Variants in SLC6A18 observed in about 807,000 individuals in gnomAD.
SLC6A18 encodes the protein solute carrier family 6 member 18.
A neutral mutation model predicts 62.9 loss-of-function variants in SLC6A18; 58 were observed. The observed-to-expected ratio is 0.92, with a 90% CI of 0.75 to 1.15. SLC6A18 has a LOEUF of 1.15. Among genes scored for constraint, SLC6A18 ranks in the 50% most tolerant of loss-of-function variants. The pLI, the probability that SLC6A18 is intolerant of heterozygous loss-of-function variation, is 0.00. For synonymous variants in SLC6A18, 382 were observed against 365.8 expected (o/e 1.04, Z -0.51); for missense variants, 793 against 836.6 (o/e 0.95, Z 0.64).
At chr5:1,238,337 C>CCTGGAGGAGGACTTCGGT (rs1746949479) in intron 5 of SLC6A18, among the ~76,000 whole-genome samples, 1 of 118,410 alleles carries the variant, frequency 8.4e-6, no homozygotes. Context: ...TTGGAGTGAG[C>CCTGGAGGAGGACTTCGGT]CTGGGGCCTC....
At chr5:1,228,798 G>C (rs1746647574) in intron 1 of SLC6A18, among the ~76,000 whole-genome samples, 2 of 152,356 alleles carry the variant, frequency 1.3e-5, no homozygotes, top group Non-Finnish European at 2.9e-5. Flanking sequence ...CGTGAGCCTG[G>C]GAGGTCGAGG....
chr5:1,226,137 G>A (rs936022366), intron 1 of SLC6A18, among the ~76,000 whole-genome samples: 4 of 152,206 alleles, frequency 2.6e-5, no homozygotes, highest in Admixed American at 1.3e-4. Flanking sequence ...TGGTTCTCTG[G>A]GAGAGCCCTG....
At chr5:1,231,258 G>A (rs1485834308) in intron 1 of SLC6A18, among the ~76,000 whole-genome samples, 1 of 152,216 alleles carries the variant, frequency 6.6e-6, no homozygotes, top group Non-Finnish European at 1.5e-5. Context: ...TCTACTGGGT[G>A]CTTCCACTAG....
At chr5:1,227,190 G>A (rs1469903799) in intron 1 of SLC6A18, among the ~76,000 whole-genome samples, 1 of 151,934 alleles carries the variant, frequency 6.6e-6, no homozygotes, top group African/African-American at 2.4e-5. Context: ...CTTGCCCACC[G>A]AAACCCAGTT....
rs1446822210 is a variant in SLC6A18 at position 1,232,419 on chromosome 5, G to A, written c.301+60G>A. ...TGCCAGGGACAGGGCCCTCCTGGAT[G>A]AGAGGTGGGGCGGGGGCGGGTCCAT... is the stretch of plus-strand genomic sequence containing the variant. On this transcript the variant is annotated intron_variant, in intron 2 of 11. Coordinates refer to ENST00000324642, the MANE Select transcript of SLC6A18 (RefSeq NM_182632.3). The A allele has an allele frequency of 3.8e-6, 6 of 1,565,404 alleles. No homozygotes were observed. The African/African-American group carries it at 6.7e-5, about 18-fold the overall frequency.
rs1431419846 is a variant in SLC6A18, at chr5:1,235,472, TG to T, written c.440-7del. On this transcript the variant is annotated splice_region_variant and splice_polypyrimidine_tract_variant and intron_variant, in intron 3 of 11. Coordinates refer to ENST00000324642, the MANE Select transcript of SLC6A18 (RefSeq NM_182632.3). Reference sequence around the variant, plus strand: ...CACAGCCAGCCTGTGACAGGCCCCCTGGTTTCAGGGTTTGTGGAGGAGTGCC... The same window carrying T: ...CACAGCCAGCCTGTGACAGGCCCCCTGTTTCAGGGTTTGTGGAGGAGTGCC... 2.5e-6 allele frequency: 4 copies of T among 1,611,590 alleles called. No homozygotes were observed. The highest frequency in any genetic ancestry group is 3.4e-6 in the Non-Finnish European group (4 of 1,178,232).
At position 1,232,370 on chromosome 5, in the gene SLC6A18, G is replaced by A. The variant is rs778281453; in HGVS notation, c.301+11G>A. ...ACCTCAGTGGAGTAGGTAGGCCACCGTCCTCGCTTGCCCTGACTGAGGCTG... is the reference window on the plus strand; with the variant it reads ...ACCTCAGTGGAGTAGGTAGGCCACCATCCTCGCTTGCCCTGACTGAGGCTG... On this transcript the variant is annotated intron_variant, in intron 2 of 11. Coordinates refer to ENST00000324642, the MANE Select transcript of SLC6A18 (RefSeq NM_182632.3). 1.3e-5 allele frequency: 21 copies of A among 1,603,150 alleles called. No homozygotes were observed. The highest frequency in any genetic ancestry group is 9.0e-5 in the South Asian group (8 of 89,376).
chr5:1,239,155 G>A (rs1044487478), intron 5 of SLC6A18, among the ~76,000 whole-genome samples: 3 of 152,258 alleles, frequency 2.0e-5, no homozygotes, highest in Non-Finnish European at 2.9e-5. Flanking sequence ...CCATGCAGGA[G>A]CTGCTCAAAC....
chr5:1,227,575 G>T (rs1280926010), intron 1 of SLC6A18, among the ~76,000 whole-genome samples: 1 of 152,236 alleles, frequency 6.6e-6, no homozygotes, highest in African/African-American at 2.4e-5. Context: ...AGCAGGTACT[G>T]TGTAGCTTTT....
chr5:1,240,625 A>C lies in SLC6A18; in HGVS notation c.940A>C (p.Lys314Gln), dbSNP rs745487944. The change falls in exon 7 of 12, where the codon AAA (lysine) becomes CAA (glutamine). Residue 314 changes from lysine to glutamine, a missense_variant. Coordinates refer to ENST00000324642, the MANE Select transcript of SLC6A18 (RefSeq NM_182632.3). ...CGCTGTCTTCTCTGTCCTGGGGTTC[A>C]AAGCAACTAATGACTACGAGCACTG... ...SIAVFSVLGF[K>Q]ATNDYEHCLD... 4.3e-6 allele frequency: 7 copies of C among 1,614,086 alleles called. No homozygotes were observed. In the South Asian group the frequency reaches 7.7e-5, roughly 18 times the overall value.
intron 11 of SLC6A18, 106 bp downstream of exon 11, chr5:1,244,873 G>A (rs778506127): frequency 7.9e-5 from 104 of 1,317,206 alleles, no homozygotes; most frequent in African/African-American, 2.1e-4. Flanking sequence ...GCACATTCAC[G>A]TGCTAGTGAC....
intron 1 of SLC6A18, among the ~76,000 whole-genome samples, chr5:1,229,896 AAAGGG>A (rs1391751636): frequency 2.7e-5 from 3 of 110,596 alleles, no homozygotes; most frequent in East Asian, 2.9e-4. Flanking sequence ...AGCGCAGGCT[AAAGGG>A]AAGGGAAGGG....
At chr5:1,232,455 C>G in intron 2 of SLC6A18, 96 bp downstream of exon 2, 1 of 1,482,298 alleles carries the variant, frequency 6.7e-7, no homozygotes, top group Non-Finnish European at 9.1e-7. Context: ...GCCTGTGGTA[C>G]GGAAGCGGCC....
At position 1,242,744 on chromosome 5, in the gene SLC6A18, G is replaced by A. The variant is rs778154880; in HGVS notation, c.1012G>A (p.Glu338Lys). The change falls in exon 8 of 12, where the codon GAG (glutamate) becomes AAG (lysine). Residue 338 changes from glutamate to lysine, a missense_variant. Transcript: ENST00000324642. ...LSLINDFDFP[E>K]QSISRDDYPA... ...CCTCATCAACGACTTTGACTTCCCA[G>A]AGCAGAGCATCTCCAGGGACGACTA... 19 of 1,613,742 alleles carry A rather than the reference G, an allele frequency of 1.2e-5. No homozygotes were observed. In the South Asian group the frequency reaches 2.0e-4, roughly 17 times the overall value.
At chr5:1,231,025 G>A (rs1746717901) in intron 1 of SLC6A18, among the ~76,000 whole-genome samples, 1 of 152,222 alleles carries the variant, frequency 6.6e-6, no homozygotes, top group African/African-American at 2.4e-5. Context: ...ATGGAACCAG[G>A]AGCCCGGGAG....
intron 1 of SLC6A18, among the ~76,000 whole-genome samples, chr5:1,230,837 A>C (rs746998374): frequency 5.3e-5 from 8 of 152,178 alleles, no homozygotes; most frequent in Non-Finnish European, 1.2e-4. Flanking sequence ...GCACCTGTGC[A>C]TGCAGGTGGG....
Position 1,238,057 on chromosome 5 carries a change from C to T in SLC6A18, c.729C>T (p.Pro243=). ...AAGGACTCATCTACTTGTTCACTCC[C>T]AACGTAAGTGGGTCTTGGATCAAAG... The part of the protein sequence containing the change: ...ATKGLIYLFT[P]NMHILQNPRV... Residue 243 remains proline (P), a synonymous_variant, in exon 5 of 12, where the codon CCC becomes CCT. Coordinates refer to ENST00000324642, the MANE Select transcript of SLC6A18 (RefSeq NM_182632.3). 6.2e-7 allele frequency: 1 copy of T among 1,612,634 alleles called. No individual in the cohort carries two copies. The highest frequency in any genetic ancestry group is 8.5e-7 in the Non-Finnish European group (1 of 1,178,608).
At chr5:1,228,088 G>A (rs539168140) in intron 1 of SLC6A18, among the ~76,000 whole-genome samples, 7 of 151,894 alleles carry the variant, frequency 4.6e-5, no homozygotes, top group East Asian at 1.9e-4. Flanking sequence ...TGGCTTCTTC[G>A]TTAGTCTCGA....
chr5:1,228,541 C>T (rs951814131), intron 1 of SLC6A18, among the ~76,000 whole-genome samples: 4 of 152,162 alleles, frequency 2.6e-5, no homozygotes, highest in African/African-American at 9.7e-5. Flanking sequence ...AGGTTTCTCT[C>T]GATCCTGCGT....
Sources: allele counts gnomAD v4.1 joint callset (sites outside exome capture counted in the v4.1 genomes callset), GRCh38; gene constraint gnomAD v4.1.1; transcripts MANE v1.5; gene names NCBI Gene and HGNC (gene_info 2026-07-23, HGNC 2026-07-21).